The following ECPAS variants were observed in gnomAD, a reference collection of about 807,000 sequenced individuals.
The protein encoded by ECPAS is proteasome adapter and scaffold protein ECM29.
Under a neutral mutation model 255.1 loss-of-function variants are expected in ECPAS, and 70 were observed. That is an observed-to-expected ratio of 0.27 (90% CI 0.23 to 0.33). ECPAS has a LOEUF of 0.33. ECPAS is among the 10% of genes least tolerant of loss of function. The pLI is 1.00. For missense variants in ECPAS, 1,817 were observed against 2,206.4 expected, an observed-to-expected ratio of 0.82 and a Z score of 3.54; for synonymous variants, 784 against 775.0, an observed-to-expected ratio of 1.01 and a Z score of -0.19.
At chr9:111,377,274 G>A (rs977361811) in intron 36 of ECPAS, among the ~76,000 whole-genome samples, 65 of 151,862 alleles carry the variant, frequency 4.3e-4, no homozygotes, top group African/African-American at 1.5e-3. Flanking sequence ...TATATAACAG[G>A]GTTTAACAGT....
At chr9:111,397,178 T>C in intron 24 of ECPAS, 25 bp from the exon 25 acceptor site, 2 of 1,611,118 alleles carry the variant, frequency 1.2e-6, no homozygotes, top group Non-Finnish European at 1.7e-6. Flanking sequence ...GTAAAAACCA[T>C]GAATGAGAAA....
In ECPAS at chr9:111,406,739, A is replaced by G. The variant is rs1391798567; in HGVS notation, c.2652+1832T>C. Among the ~76,000 whole-genome samples, 4 of 149,256 alleles carry G rather than the reference A, an allele frequency of 2.7e-5. 1 individual carries two copies. Among genetic ancestry groups the G allele is most frequent in the African/African-American group, 1.0e-4 (4 of 39,102 alleles). On this transcript the variant is annotated intron_variant, in intron 24 of 49. Coordinates refer to ENST00000684092, the MANE Select transcript of ECPAS (RefSeq NM_001364929.1). ...GGCCACACAGGGATACCCTGTCTCT[A>G]TAAAAAATTAAAATATTAGCCAGGC...
chr9:111,416,431 G>T, intron 17 of ECPAS, 79 bp from the exon 18 acceptor site: 1 of 1,015,076 alleles, frequency 9.9e-7, no homozygotes, highest in South Asian at 1.3e-5. Context: ...AAAAACAACT[G>T]TGTTTCTAGC....
intron 10 of ECPAS, among the ~76,000 whole-genome samples, chr9:111,426,673 T>C (rs1365858706): frequency 1.5e-5 from 2 of 135,676 alleles, no homozygotes; most frequent in Non-Finnish European, 3.1e-5. Flanking sequence ...CTGGGCAACA[T>C]AGCAAGATCC....
At chr9:111,387,511 C>T (rs1470246545) in intron 31 of ECPAS, among the ~76,000 whole-genome samples, 2 of 151,372 alleles carry the variant, frequency 1.3e-5, no homozygotes, top group African/African-American at 2.4e-5. Context: ...ATCATCAGTG[C>T]AGTTATTGAG....
intron 31 of ECPAS, among the ~76,000 whole-genome samples, chr9:111,387,456 T>C (rs1335319766): frequency 2.6e-5 from 4 of 150,948 alleles, no homozygotes; most frequent in South Asian, 2.1e-4. Flanking sequence ...AGGGACAGTG[T>C]CTCGCTCATC....
At chr9:111,423,102 G>C in intron 13 of ECPAS, 97 bp downstream of exon 13, 2 of 852,094 alleles carry the variant, frequency 2.3e-6, no homozygotes, top group Non-Finnish European at 3.8e-6. Flanking sequence ...TTCCCTTTCA[G>C]AATCACGACA....
At chr9:111,402,544 A>G (rs1346188402) in intron 24 of ECPAS, among the ~76,000 whole-genome samples, 1 of 152,244 alleles carries the variant, frequency 6.6e-6, no homozygotes, top group African/African-American at 2.4e-5. Flanking sequence ...CAGTATCCTT[A>G]TCTAATACTC....
intron 2 of ECPAS, 24 bp from the exon 3 acceptor site, chr9:111,451,579 A>G: frequency 3.9e-6 from 6 of 1,520,334 alleles, no homozygotes; most frequent in Non-Finnish European, 4.4e-6. Context: ...AGAAAAAAAG[A>G]GAGAACTTAG....
At chr9:111,455,235 A>G in intron 2 of ECPAS, among the ~76,000 whole-genome samples, 1 of 152,214 alleles carries the variant, frequency 6.6e-6, no homozygotes, top group Non-Finnish European at 1.5e-5. Context: ...CTGTAATCCC[A>G]GCACTTTGGG....
intron 2 of ECPAS, among the ~76,000 whole-genome samples, chr9:111,455,379 GA>G (rs1259469608): frequency 6.6e-6 from 1 of 152,210 alleles, no homozygotes; most frequent in Non-Finnish European, 1.5e-5. Flanking sequence ...AGCTACTCAG[GA>G]AGCTGAGGCA....
intron 2 of ECPAS, among the ~76,000 whole-genome samples, chr9:111,453,174 G>C (rs148244662): frequency 6.4e-4 from 97 of 152,218 alleles, no homozygotes; most frequent in Non-Finnish European, 7.2e-4. Context: ...TTGGGCCTGG[G>C]AGGTTGAGGC....
intron 18 of ECPAS, among the ~76,000 whole-genome samples, chr9:111,415,241 G>C (rs2098201436): frequency 7.9e-6 from 1 of 126,160 alleles, no homozygotes; most frequent in African/African-American, 2.6e-5. Flanking sequence ...GTGTGTGTGT[G>C]TGTGTGTGTG....
rs187810724 is a variant in ECPAS at position 111,383,201 on chromosome 9, G to A, written c.3803+10C>T. ...AATCCAATACATTCATTTCATCAACGGATGCACACCTGAGGGCTCGAACTT... is the reference window on the plus strand; with the variant it reads ...AATCCAATACATTCATTTCATCAACAGATGCACACCTGAGGGCTCGAACTT... On this transcript the variant is annotated intron_variant, in intron 35 of 49. Coordinates refer to ENST00000684092, the MANE Select transcript of ECPAS (RefSeq NM_001364929.1). 120 of 1,612,368 alleles carry A rather than the reference G, an allele frequency of 7.4e-5. No homozygotes were observed. The highest frequency in any genetic ancestry group is 4.9e-4 in the East Asian group (22 of 44,808).
rs555197172 is a variant in ECPAS at position 111,450,303 on chromosome 9, G to C, written c.153+1122C>G. On this transcript the variant is annotated intron_variant, in intron 3 of 49. Transcript: ENST00000684092. ...CCACAGAAGGGTTTTAAATAGAAGA[G>C]TGACATAATCAAATGCACGTCTATC... is the stretch of plus-strand genomic sequence containing the variant. Among the ~76,000 whole-genome samples the C allele has an allele frequency of 1.6e-4, 25 of 152,312 alleles. No homozygotes were observed. The South Asian group carries it at 2.1e-3, about 13-fold the overall frequency.
chr9:111,453,307 C>T (rs960777081), intron 2 of ECPAS, among the ~76,000 whole-genome samples: 1 of 150,918 alleles, frequency 6.6e-6, no homozygotes, highest in South Asian at 2.1e-4. Flanking sequence ...CCTGAAAGAA[C>T]GTCATTGCCC....
intron 1 of ECPAS, among the ~76,000 whole-genome samples, chr9:111,476,143 A>T (rs1336101933): frequency 6.6e-6 from 1 of 152,204 alleles, no homozygotes; most frequent in Non-Finnish European, 1.5e-5. Context: ...TGCATCCTTC[A>T]AGATTATAGG....
chr9:111,386,456 C>T lies in ECPAS; in HGVS notation c.3448G>A (p.Val1150Met). 6.5e-7 allele frequency: 1 copy of T among 1,546,990 alleles called. No homozygotes were observed. The highest frequency in any genetic ancestry group is 8.9e-7 in the Non-Finnish European group (1 of 1,125,466). ...AGAATTTCTTTCAAATATTTATCCA[C>T]CTAATGAAAGCAAAAGGATAAAATT... is the stretch of plus-strand genomic sequence containing the variant. The part of the protein sequence containing the change: ...WNALVTDKSM[V>M]DKYLKEILQD... The change falls in exon 32 of 50, where the codon GTG becomes ATG. Residue 1150 changes from valine (V) to methionine (M), a missense_variant and splice_region_variant. Physicochemically the swap from Val to Met is conservative, Grantham distance 21 (BLOSUM62 1). Around this residue, in one of 4 missense-constraint regions of ECPAS, gnomAD observed 960 missense variants for 1,179.0 expected, o/e 0.81. Coordinates refer to ENST00000684092, the MANE Select transcript of ECPAS (RefSeq NM_001364929.1).
At chr9:111,435,181 G>A (rs541260168) in intron 7 of ECPAS, among the ~76,000 whole-genome samples, 6 of 152,038 alleles carry the variant, frequency 3.9e-5, no homozygotes, top group South Asian at 2.1e-4. Context: ...TTACAGGCCC[G>A]AGCCACGACA....
Sources: gnomAD v4.1 joint callset for allele counts (sites outside exome capture counted in the v4.1 genomes callset) on GRCh38, gnomAD v4.1.1 for gene constraint, gnomAD v4.1.1 regional missense constraint, MANE v1.5 for transcripts, NCBI Gene and HGNC (gene_info 2026-07-23, HGNC 2026-07-21) for gene names.